Variants in MVP observed in about 807,000 individuals in gnomAD.
MVP encodes the protein lung resistance-related protein.
In MVP, 62 loss-of-function variants were observed where a neutral mutation model predicts 83.5. The observed-to-expected ratio is 0.74, with a 90% CI of 0.61 to 0.92. The LOEUF (loss-of-function observed/expected upper bound fraction) is 0.92. Among genes scored for constraint, MVP ranks in the 40% least tolerant of loss-of-function variants. MVP has a pLI of 0.00. For missense variants in MVP, 1,000 were observed against 1,203.4 expected (o/e 0.83, Z 2.50); for synonymous variants, 505 against 504.1 (o/e 1.00, Z -0.02).
chr16:29,833,421 C>T (rs867014885), intron 3 of MVP: 6 of 284,056 alleles, frequency 2.1e-5, no homozygotes, highest in Admixed American at 4.9e-5. Context: ...CTCAGCCTCC[C>T]GAGTAGCTGG....
intron 6 of MVP, 127 bp downstream of exon 6, chr16:29,835,925 TCA>T: frequency 1.3e-6 from 1 of 754,864 alleles, no homozygotes; most frequent in East Asian, 2.7e-5. Context: ...TTAAAAAAAT[TCA>T]GAGATCAGAT....
intron 7 of MVP, 171 bp from the exon 8 acceptor site, chr16:29,840,007 G>A (rs2067520261): frequency 1.6e-6 from 1 of 609,214 alleles, no homozygotes; most frequent in African/African-American, 1.8e-5. Flanking sequence ...CGTTTGTGTA[G>A]AGCCTCACAG....
Position 29,844,714 on chromosome 16 carries a change from T to C in MVP, c.1856T>C (p.Leu619Pro), listed in dbSNP as rs554441361. ...SEAKGPDGMA[L>P]PRPRDQAVFP... ...GCGAAGGGCCCCGATGGCATGGCCCTGCCCAGGCCCCGGGACCAGGCTGTC... is the reference window on the plus strand; with the variant it reads ...GCGAAGGGCCCCGATGGCATGGCCCCGCCCAGGCCCCGGGACCAGGCTGTC... Residue 619 changes from leucine (L) to proline (P), a missense_variant, in exon 11 of 15, where the codon CTG becomes CCG. Physicochemically the swap from Leu to Pro is moderately conservative, Grantham distance 98 (BLOSUM62 -3). Transcript: ENST00000357402. 2 of 1,613,822 alleles carry C rather than the reference T, an allele frequency of 1.2e-6. No homozygotes were observed. Among genetic ancestry groups the C allele is most frequent in the Admixed American group, 3.3e-5 (2 of 60,030 alleles).
chr16:29,847,582 A>C (rs865925526), intron 14 of MVP, among the ~76,000 whole-genome samples, 180 bp from the exon 15 acceptor site: 27 of 152,186 alleles, frequency 1.8e-4, no homozygotes, highest in Admixed American at 7.9e-4. Context: ...AGTGAGCCAG[A>C]GCTCCGGAGG....
Position 29,844,511 on chromosome 16 carries a change from C to T in MVP, c.1653C>T (p.Asp551=). Residue 551 remains aspartate (D), a synonymous_variant, in exon 11 of 15, where the codon GAC becomes GAT. Coordinates refer to ENST00000357402, the MANE Select transcript of MVP (RefSeq NM_005115.5). ...TTCACAGGCACTTTGAGGTGAATGA[C>T]CGGAAGGACCCCCAAGAGACGGCCA... ...LAYNWHFEVN[D]RKDPQETAKL... The T allele has an allele frequency of 3.9e-6, 6 of 1,543,596 alleles. No individual in the cohort carries two copies. The highest frequency in any genetic ancestry group is 5.2e-6 in the Non-Finnish European group (6 of 1,145,762).
At chr16:29,834,614 G>C (rs2067470165) in intron 5 of MVP, 1 of 163,422 alleles carries the variant, frequency 6.1e-6, no homozygotes, top group Non-Finnish European at 1.3e-5. Context: ...GCTGCAGTGA[G>C]CTGTGACTGC....
At chr16:29,824,003 C>T (rs1482669025) in intron 1 of MVP, among the ~76,000 whole-genome samples, 1 of 151,720 alleles carries the variant, frequency 6.6e-6, no homozygotes, top group Admixed American at 6.6e-5. Flanking sequence ...CTTTGGGAGG[C>T]CGAGGTGGGT....
In MVP at chr16:29,841,508, C is replaced by T. The variant is rs969140702; in HGVS notation, c.1192-88C>T. On this transcript the variant is annotated intron_variant, in intron 8 of 14. Transcript: ENST00000357402. This position sits in a 1 kb window ranked among gnomAD's most constrained non-coding sequence, Gnocchi z 4.7. ...GTGTTTAACCTCGTGGCGCGCCTTC[C>T]CTGGATGGGCTCTGCTTTGGGACAG... 6.7e-7 allele frequency: 1 copy of T among 1,486,012 alleles called. No individual in the cohort carries two copies. Among genetic ancestry groups the T allele is most frequent in the East Asian group, 2.3e-5 (1 of 43,472 alleles). The allele number at this position is 1,486,012 out of a possible 1,614,324, so 92.1% of individuals were successfully genotyped here.
At chr16:29,836,013 C>G (rs2067483938) in intron 6 of MVP, among the ~76,000 whole-genome samples, 1 of 152,046 alleles carries the variant, frequency 6.6e-6, no homozygotes, top group Non-Finnish European at 1.5e-5. Context: ...CATCTGTAAT[C>G]TCAGCAATTT....
rs1435111486 is a variant in MVP at position 29,840,396 on chromosome 16, G to A, written c.1128G>A (p.Glu376=). 4 of 1,593,406 alleles carry A rather than the reference G, an allele frequency of 2.5e-6. No individual in the cohort carries two copies. The highest frequency in any genetic ancestry group is 3.4e-6 in the Non-Finnish European group (4 of 1,170,850). ...CTGCCAAAGTGGAGGTGGTGGAGGA[G>A]CGCCAGGCCATCCCTCTAGACGAGA... ...VPSAKVEVVE[E]RQAIPLDENE... is the part of the protein sequence containing the mutation. Residue 376 remains glutamate, a synonymous_variant, in exon 8 of 15, where the codon GAG becomes GAA. Coordinates refer to ENST00000357402, the MANE Select transcript of MVP (RefSeq NM_005115.5).
intron 1 of MVP, among the ~76,000 whole-genome samples, chr16:29,828,280 C>T (rs559711313): frequency 1.4e-4 from 21 of 152,198 alleles, no homozygotes; most frequent in African/African-American, 4.8e-4. Flanking sequence ...TTTAAGTGTT[C>T]AGGAGCCACA....
intron 5 of MVP, chr16:29,834,869 A>ATTTTTTTTTTTTTTT (rs61591338): frequency 2.2e-5 from 2 of 88,904 alleles, no homozygotes; most frequent in African/African-American, 4.5e-5. Flanking sequence ...TTTTTTTTGT[A>ATTTTTTTTTTTTTTT]TTTTTTTTTT....
intron 1 of MVP, among the ~76,000 whole-genome samples, chr16:29,822,843 G>A (rs963581753): frequency 5.9e-5 from 9 of 152,016 alleles, no homozygotes; most frequent in African/African-American, 2.2e-4. Flanking sequence ...TCAGCCTCCC[G>A]AGTAGCTGAG....
At chr16:29,827,553 T>A (rs2067412915) in intron 1 of MVP, among the ~76,000 whole-genome samples, 1 of 152,174 alleles carries the variant, frequency 6.6e-6, no homozygotes, top group African/African-American at 2.4e-5. Flanking sequence ...TCATTGTCCC[T>A]CTCTGGGTCT....
intron 1 of MVP, chr16:29,830,226 G>A (rs1322243651): frequency 3.6e-5 from 9 of 250,836 alleles, no homozygotes; most frequent in Non-Finnish European, 7.1e-5. Flanking sequence ...TGGCAGTGTA[G>A]GGGGAAGTAG....
rs200392934 is a variant in MVP, at chr16:29,834,033, T to A, written c.544T>A (p.Cys182Ser). 2 of 1,612,942 alleles carry A rather than the reference T, an allele frequency of 1.2e-6. No individual in the cohort carries two copies. Among genetic ancestry groups the A allele is most frequent in the Non-Finnish European group, 8.5e-7 (1 of 1,179,732 alleles). ...TCTGCGGCTCAGGGCCCGCAAGGAG[T>A]GCTGGGACCGGGACGGCAAGGAGAG... is the stretch of plus-strand genomic sequence containing the variant. ...QALRLRARKE[C>S]WDRDGKERVT... Residue 182 changes from cysteine to serine, a missense_variant, in exon 5 of 15, where the codon TGC becomes AGC. Coordinates refer to ENST00000357402, the MANE Select transcript of MVP (RefSeq NM_005115.5).
At position 29,840,276 on chromosome 16, in the gene MVP, C is replaced by T. The variant is rs376967461; in HGVS notation, c.1008C>T (p.Ala336=). ...AGCAGCAGGGGCTGCTGCTGAGGGC[C>T]CTGCAGCCCCTGGAGGAGGGGGAGG... ...LSEQQGLLLR[A]LQPLEEGEDE... is the part of the protein sequence containing the mutation. Residue 336 remains alanine, a synonymous_variant, in exon 8 of 15, where the codon GCC becomes GCT. Coordinates refer to ENST00000357402, the MANE Select transcript of MVP (RefSeq NM_005115.5). 2.5e-6 allele frequency: 4 copies of T among 1,613,670 alleles called. No homozygotes were observed. In the African/African-American group the frequency reaches 5.3e-5, roughly 22 times the overall value.
intron 7 of MVP, 115 bp downstream of exon 7, chr16:29,837,073 C>A: frequency 1.1e-6 from 1 of 929,108 alleles, no homozygotes; most frequent in Non-Finnish European, 1.6e-6. Context: ...CCTTCTGTGC[C>A]TTTGCATGCT....
Position 29,846,205 on chromosome 16 carries a change from GT to G in MVP, c.2187del (p.Ala730ArgfsTer17). The G allele has an allele frequency of 6.2e-7, 1 of 1,602,208 alleles. No individual in the cohort carries two copies. The highest frequency in any genetic ancestry group is 8.5e-7 in the Non-Finnish European group (1 of 1,174,192). ...ACTGCCAAGGCGGAGGCCGAGTCCC[GT>G]GCGGAGGCAGCCCGGATTGAGGGAG... ...TGTAKAEAESRAEAARIEGEG... is the reference protein window; with the variant it reads ...TGTAKAEAESXAEAARIEGEG... On this transcript the variant is annotated frameshift_variant, in exon 13 of 15. Coordinates refer to ENST00000357402, the MANE Select transcript of MVP (RefSeq NM_005115.5). LOFTEE classifies it high-confidence loss of function.
Sources: allele counts gnomAD v4.1 joint callset (sites outside exome capture counted in the v4.1 genomes callset), GRCh38; gene constraint gnomAD v4.1.1; non-coding constraint Gnocchi (gnomAD v3.1); transcripts MANE v1.5; gene names NCBI Gene and HGNC (gene_info 2026-07-23, HGNC 2026-07-21).